The following PRKACB variants were observed in gnomAD, a reference collection of about 807,000 sequenced individuals.
PRKACB encodes protein kinase cAMP-activated catalytic subunit beta, also known as cAMP-dependent protein kinase catalytic subunit beta.
In PRKACB, 16 loss-of-function variants were observed where a neutral mutation model predicts 51.4. The observed-to-expected ratio is 0.31, with a 90% CI of 0.21 to 0.47. The LOEUF (loss-of-function observed/expected upper bound fraction) is 0.47. PRKACB is among the 20% of genes least tolerant of loss of function. The probability of loss-of-function intolerance (pLI) is 1.00; values close to 1 mark genes in which losing one functional copy is unlikely to be tolerated. For missense variants in PRKACB, 309 were observed against 464.5 expected, an observed-to-expected ratio of 0.67 and a Z score of 3.08; for synonymous variants, 147 against 154.4, an observed-to-expected ratio of 0.95 and a Z score of 0.35.
intron 5 of PRKACB, among the ~76,000 whole-genome samples, chr1:84,190,438 T>G (rs1572243913): frequency 6.6e-6 from 1 of 152,018 alleles, no homozygotes; most frequent in Non-Finnish European, 1.5e-5. Context: ...TATTTTAAGT[T>G]ATTTTTATTA....
intron 9 of PRKACB, among the ~76,000 whole-genome samples, chr1:84,223,258 T>C (rs1674017812): frequency 6.6e-6 from 1 of 152,158 alleles, no homozygotes; most frequent in Non-Finnish European, 1.5e-5. Context: ...AGAAGACCTG[T>C]CCTCAATTCT....
chr1:84,119,411 G>A (rs1650878300), intron 1 of PRKACB, among the ~76,000 whole-genome samples: 2 of 152,090 alleles, frequency 1.3e-5, no homozygotes, highest in African/African-American at 4.8e-5. Context: ...ACAATATCCA[G>A]CATGGTCCAC....
chr1:84,137,562 A>C (rs557829932), intron 1 of PRKACB, among the ~76,000 whole-genome samples: 1 of 152,338 alleles, frequency 6.6e-6, no homozygotes, highest in East Asian at 1.9e-4. Flanking sequence ...AGGAGGTGAA[A>C]AAATAATATA....
chr1:84,156,960 A>G (rs1013569003), intron 1 of PRKACB, among the ~76,000 whole-genome samples: 2 of 152,070 alleles, frequency 1.3e-5, no homozygotes, highest in Admixed American at 6.6e-5. Flanking sequence ...TTAGCCTACA[A>G]TGTCTCTACT....
chr1:84,079,642 A>T (rs990444570), intron 1 of PRKACB, among the ~76,000 whole-genome samples: 1 of 152,126 alleles, frequency 6.6e-6, no homozygotes, highest in Non-Finnish European at 1.5e-5. Context: ...TAAAGAAGCC[A>T]ATGTAGAGGT....
intron 1 of PRKACB, among the ~76,000 whole-genome samples, chr1:84,167,851 T>C (rs1368830595): frequency 6.6e-6 from 1 of 151,534 alleles, no homozygotes; most frequent in African/African-American, 2.4e-5. Flanking sequence ...TAGGATGAAG[T>C]CATATAAAAT....
At chr1:84,149,279 A>C (rs1355640384) in intron 1 of PRKACB, among the ~76,000 whole-genome samples, 21 of 150,160 alleles carry the variant, frequency 1.4e-4, no homozygotes, top group Non-Finnish European at 3.0e-5. Flanking sequence ...TTTTTTTTTT[A>C]AACAGAGTCT....
At chr1:84,082,701 A>G (rs115157559) in intron 1 of PRKACB, among the ~76,000 whole-genome samples, 1 of 152,190 alleles carries the variant, frequency 6.6e-6, no homozygotes, top group Non-Finnish European at 1.5e-5. Flanking sequence ...TGTAGTAGCT[A>G]CTAGCCACAT....
At chr1:84,154,790 A>G (rs1231173648) in intron 1 of PRKACB, among the ~76,000 whole-genome samples, 1 of 152,172 alleles carries the variant, frequency 6.6e-6, no homozygotes, top group African/African-American at 2.4e-5. Flanking sequence ...AAAGTTATAT[A>G]TAATCATCTC....
At position 84,171,920 on chromosome 1, in the gene PRKACB, A is replaced by G. The variant is rs1258765219; in HGVS notation, c.188-7257A>G. 2.0e-5 allele frequency among the ~76,000 whole-genome samples: 3 copies of G among 151,696 alleles called. No individual in the cohort carries two copies. In the East Asian group the frequency reaches 5.8e-4, roughly 29 times the overall value. The stretch of plus-strand genomic sequence containing the variant: ...TAATTTTTAAAAATCTCCCTTTTAC[A>G]ATAGCAACCAAAGTGCTAAAGAACC... On this transcript the variant is annotated intron_variant, in intron 1 of 9. Transcript: ENST00000370685.
intron 1 of PRKACB, among the ~76,000 whole-genome samples, chr1:84,114,463 C>CT (rs533743075): frequency 1.7e-4 from 25 of 147,724 alleles, no homozygotes; most frequent in Middle Eastern, 3.5e-3. Context: ...TTGTAGTGTT[C>CT]TTTTTTTTTT....
intron 1 of PRKACB, among the ~76,000 whole-genome samples, chr1:84,130,764 A>C (rs1652106330): frequency 1.3e-5 from 2 of 152,248 alleles, no homozygotes; most frequent in South Asian, 2.1e-4. Flanking sequence ...ATGCTGCTTT[A>C]AAAGAAATGC....
At chr1:84,175,884 T>G (rs1572066629) in intron 1 of PRKACB, 1 of 1,143,366 alleles carries the variant, frequency 8.7e-7, no homozygotes, top group African/African-American at 1.6e-5. Context: ...TAATTGAAAA[T>G]GTATACTTTT....
chr1:84,228,014 G>T (rs549027537), intron 9 of PRKACB, among the ~76,000 whole-genome samples: 1 of 152,078 alleles, frequency 6.6e-6, no homozygotes. Context: ...ATTCTAAATT[G>T]CTGGCTGGCT....
chr1:84,207,223 G>A (rs1054873504), intron 8 of PRKACB, among the ~76,000 whole-genome samples: 2 of 152,154 alleles, frequency 1.3e-5, no homozygotes, highest in African/African-American at 4.8e-5. Flanking sequence ...TTATGTGAGA[G>A]CAGGGGGAGG....
At chr1:84,126,697 G>C (rs1259586570) in intron 1 of PRKACB, among the ~76,000 whole-genome samples, 2 of 152,092 alleles carry the variant, frequency 1.3e-5, no homozygotes, top group African/African-American at 4.8e-5. Flanking sequence ...GTATTTCCCC[G>C]CCTCCTGTCT....
intron 1 of PRKACB, among the ~76,000 whole-genome samples, chr1:84,097,152 G>A (rs1329924092): frequency 6.6e-6 from 1 of 151,918 alleles, no homozygotes; most frequent in Non-Finnish European, 1.5e-5. Flanking sequence ...ATGGTAATTG[G>A]GTTGTTTTCC....
In PRKACB at chr1:84,211,040, A is replaced by G. The variant is rs1260960110; in HGVS notation, c.907-3113A>G. Reference sequence around the variant, plus strand: ...GAATCTCTGGGGAAGAGGGTGTGATATGGAGGTGAGGAGGATATGTCTATG... The same window carrying G: ...GAATCTCTGGGGAAGAGGGTGTGATGTGGAGGTGAGGAGGATATGTCTATG... On this transcript the variant is annotated intron_variant, in intron 8 of 9. Transcript: ENST00000370685. 4.6e-5 allele frequency among the ~76,000 whole-genome samples: 7 copies of G among 151,936 alleles called. No homozygotes were observed. The East Asian group carries it at 9.6e-4, about 21-fold the overall frequency.
intron 5 of PRKACB, among the ~76,000 whole-genome samples, chr1:84,193,054 A>T (rs929665798): frequency 5.9e-5 from 9 of 152,136 alleles, no homozygotes; most frequent in Admixed American, 1.3e-4. Context: ...CTCAAAACTG[A>T]GGTCTAAACC....
Sources: gnomAD v4.1 joint callset for allele counts (sites outside exome capture counted in the v4.1 genomes callset) on GRCh38, gnomAD v4.1.1 for gene constraint, MANE v1.5 for transcripts, NCBI Gene and HGNC (gene_info 2026-07-23, HGNC 2026-07-21) for gene names.